The following ITPR2 variants were observed in gnomAD, a reference collection of about 807,000 sequenced individuals.
ITPR2 encodes the protein inositol 1,4,5-trisphosphate-gated calcium channel ITPR2.
Under a neutral mutation model 317.1 loss-of-function variants are expected in ITPR2, and 207 were observed. The observed-to-expected ratio is 0.65, with a 90% CI of 0.58 to 0.73. The LOEUF (loss-of-function observed/expected upper bound fraction) is 0.73, where lower values mean the gene tolerates loss of function less well. Among genes scored for constraint, ITPR2 ranks in the 30% least tolerant of loss-of-function variants. The pLI is 0.00. For synonymous variants in ITPR2, 1,156 were observed against 1,149.1 expected, an observed-to-expected ratio of 1.01 and a Z score of -0.12; for missense variants, 2,613 against 3,284.0, an observed-to-expected ratio of 0.80 and a Z score of 4.99.
rs1416570247 is a variant in ITPR2 at position 26,340,247 on chromosome 12, G to A, written c.7939C>T (p.Arg2647Trp). ...GATTCCAACTTCTCCTGAAGGCTCC[G>A]AATTTCATTTTGCTCACTGTCGCCT... ...NEGDSEQNEI[R>W]SLQEKLESTM... The change falls in exon 56 of 57, where the codon CGG (arginine) becomes TGG (tryptophan). Residue 2647 changes from arginine to tryptophan, a missense_variant. Coordinates refer to ENST00000381340, the MANE Select transcript of ITPR2 (RefSeq NM_002223.4). 8 of 1,611,794 alleles carry A rather than the reference G, an allele frequency of 5.0e-6. No individual in the cohort carries two copies. Among genetic ancestry groups the A allele is most frequent in the East Asian group, 2.2e-5 (1 of 44,760 alleles).
chr12:26,584,383 G>A (rs1222621584), intron 32 of ITPR2, among the ~76,000 whole-genome samples: 1 of 152,106 alleles, frequency 6.6e-6, no homozygotes, highest in Non-Finnish European at 1.5e-5. Flanking sequence ...TTCACCACTG[G>A]ACATGCAGCA....
chr12:26,557,399 G>A (rs1051901011), intron 35 of ITPR2, among the ~76,000 whole-genome samples: 2 of 152,142 alleles, frequency 1.3e-5, no homozygotes, highest in Non-Finnish European at 1.5e-5. Flanking sequence ...TCCCATTTCC[G>A]CCTGTAGCAA....
At chr12:26,579,008 T>A (rs1294578806) in intron 33 of ITPR2, among the ~76,000 whole-genome samples, 175 bp from the exon 34 acceptor site, 2 of 152,228 alleles carry the variant, frequency 1.3e-5, no homozygotes, top group East Asian at 3.8e-4. Flanking sequence ...ACTCTCTTCA[T>A]GAGAGGCAAG....
chr12:26,545,862 A>G (rs1944381319), intron 37 of ITPR2, among the ~76,000 whole-genome samples: 1 of 152,210 alleles, frequency 6.6e-6, no homozygotes, highest in Non-Finnish European at 1.5e-5. Flanking sequence ...GAGATCATGG[A>G]GTCCCAACTC....
chr12:26,422,263 A>G (rs984883243), intron 49 of ITPR2, among the ~76,000 whole-genome samples: 1 of 150,614 alleles, frequency 6.6e-6, no homozygotes, highest in East Asian at 1.9e-4. Flanking sequence ...TTATTTAACC[A>G]ATAATTATTA....
At chr12:26,749,358 T>C (rs1273551242) in intron 2 of ITPR2, among the ~76,000 whole-genome samples, 1 of 152,226 alleles carries the variant, frequency 6.6e-6, no homozygotes, top group Non-Finnish European at 1.5e-5. Context: ...AGTGGAAAAG[T>C]CTGAGCTGCA....
chr12:26,436,255 A>G lies in ITPR2; in HGVS notation c.6735T>C (p.Ala2245=), dbSNP rs773202431. The G allele has an allele frequency of 1.9e-6, 3 of 1,612,568 alleles. No individual in the cohort carries two copies. The highest frequency in any genetic ancestry group is 2.5e-6 in the Non-Finnish European group (3 of 1,179,402). ...NLAVFINLAV[A]LFYPFGDDGD... is the part of the protein sequence containing the mutation. ...CATCATCCCCAAATGGGTAGAAGAG[A>G]GCAACAGCTAAATTGATGAACACAG... The change falls in exon 48 of 57, where the codon GCT becomes GCC. Residue 2245 remains alanine (A), a synonymous_variant. Transcript: ENST00000381340.
At chr12:26,430,745 A>G (rs1490711980) in intron 48 of ITPR2, among the ~76,000 whole-genome samples, 3 of 152,242 alleles carry the variant, frequency 2.0e-5, no homozygotes, top group Non-Finnish European at 4.4e-5. Flanking sequence ...TATGAAGTTT[A>G]TCTTTTGTAA....
chr12:26,557,937 T>A (rs149539146), intron 35 of ITPR2, among the ~76,000 whole-genome samples: 1 of 152,128 alleles, frequency 6.6e-6, no homozygotes, highest in African/African-American at 2.4e-5. Flanking sequence ...AAGCAGAACA[T>A]TGCCAATTGC....
At chr12:26,475,499 G>A in intron 44 of ITPR2, 81 bp from the exon 45 acceptor site, 2 of 1,488,284 alleles carry the variant, frequency 1.3e-6, no homozygotes, top group Non-Finnish European at 1.8e-6. Flanking sequence ...TAAAAATTGG[G>A]CAGCTTCATA....
At chr12:26,799,175 C>T (rs1950510554) in intron 1 of ITPR2, among the ~76,000 whole-genome samples, 1 of 152,156 alleles carries the variant, frequency 6.6e-6, no homozygotes, top group African/African-American at 2.4e-5. Flanking sequence ...TAGAATTGTG[C>T]TTGCTCTTAG....
intron 55 of ITPR2, among the ~76,000 whole-genome samples, chr12:26,369,835 G>C (rs1939129842): frequency 1.3e-5 from 2 of 152,178 alleles, no homozygotes; most frequent in Non-Finnish European, 2.9e-5. Context: ...CGGCTCTGGA[G>C]AGTACAAGGG....
intron 16 of ITPR2, 40 bp from the exon 17 acceptor site, chr12:26,658,170 G>C: frequency 7.1e-7 from 1 of 1,403,850 alleles, no homozygotes; most frequent in Non-Finnish European, 9.5e-7. Flanking sequence ...TGAAGACAAA[G>C]CATTTTATAA....
intron 22 of ITPR2, chr12:26,630,598 C>G (rs994249579): frequency 6.6e-6 from 1 of 152,248 alleles, no homozygotes; most frequent in Non-Finnish European, 1.5e-5. Flanking sequence ...CAGACACATA[C>G]GCACGGTGGA....
intron 2 of ITPR2, among the ~76,000 whole-genome samples, chr12:26,732,874 C>T (rs551577099): frequency 1.5e-4 from 23 of 152,312 alleles, no homozygotes; most frequent in African/African-American, 5.5e-4. Context: ...ACTTCTCCAC[C>T]CCAACTTTGA....
At chr12:26,593,325 A>T (rs986077975) in intron 32 of ITPR2, among the ~76,000 whole-genome samples, 1 of 152,224 alleles carries the variant, frequency 6.6e-6, no homozygotes, top group African/African-American at 2.4e-5. Flanking sequence ...ATGCTCACTA[A>T]AGCTTAAAAA....
At chr12:26,569,811 G>A (rs1355649940) in intron 34 of ITPR2, among the ~76,000 whole-genome samples, 3 of 152,076 alleles carry the variant, frequency 2.0e-5, no homozygotes, top group Non-Finnish European at 2.9e-5. Flanking sequence ...AAAATCTAAC[G>A]CACTGAAGAA....
intron 55 of ITPR2, among the ~76,000 whole-genome samples, chr12:26,348,762 A>G (rs983298369): frequency 2.0e-5 from 3 of 152,104 alleles, no homozygotes; most frequent in Non-Finnish European, 2.9e-5. Context: ...CCAAGGTGGG[A>G]GGACTGCTTG....
At chr12:26,737,383 G>A (rs1211003581) in intron 2 of ITPR2, among the ~76,000 whole-genome samples, 1 of 152,060 alleles carries the variant, frequency 6.6e-6, no homozygotes, top group Non-Finnish European at 1.5e-5. Context: ...AGCCTCCTGA[G>A]TAGCTGGGAT....
Sources: gnomAD v4.1 joint callset for allele counts (sites outside exome capture counted in the v4.1 genomes callset) on GRCh38, gnomAD v4.1.1 for gene constraint, MANE v1.5 for transcripts, NCBI Gene and HGNC (gene_info 2026-07-23, HGNC 2026-07-21) for gene names.